The following TAX1BP1 variants were observed in gnomAD, a reference collection of about 807,000 sequenced individuals.
TAX1BP1 encodes the protein Tax1 binding protein 1, also known as tax1-binding protein 1.
TAX1BP1 carries 62 observed loss-of-function variants against 97.7 expected under a neutral mutation model. That is an observed-to-expected ratio of 0.63 (90% confidence interval 0.52 to 0.78). TAX1BP1 has a LOEUF of 0.78. Ranked by LOEUF, TAX1BP1 falls within the 30% of genes least tolerant of loss-of-function variation. The pLI is 0.00. For missense variants in TAX1BP1, 867 were observed against 916.1 expected, an observed-to-expected ratio of 0.95 and a Z score of 0.69; for synonymous variants, 340 against 304.2, an observed-to-expected ratio of 1.12 and a Z score of -1.23.
At chr7:27,805,293 T>C (rs1338710387) in intron 13 of TAX1BP1, among the ~76,000 whole-genome samples, 1 of 152,232 alleles carries the variant, frequency 6.6e-6, no homozygotes, top group East Asian at 1.9e-4. Context: ...TTGTGAGTTC[T>C]TTGGCTCATT....
At position 27,793,142 on chromosome 7, in the gene TAX1BP1, A is replaced by C. The variant is rs773295607; in HGVS notation, c.1340A>C (p.Asp447Ala). ...DLKLRLQMAA[D>A]HYKEKFKECQ... is the part of the protein sequence containing the mutation. Reference sequence around the variant, plus strand: ...AAACTCCGTCTTCAGATGGCTGCAGACCATTATAAAGAAAAATTTAAGGAA... The same window carrying C: ...AAACTCCGTCTTCAGATGGCTGCAGCCCATTATAAAGAAAAATTTAAGGAA... Residue 447 changes from aspartate to alanine, a missense_variant, in exon 10 of 17, where the codon GAC (aspartate) becomes GCC (alanine). Physicochemically the swap from Asp to Ala is moderately radical, Grantham distance 126 (BLOSUM62 -2). Coordinates refer to ENST00000396319, the MANE Select transcript of TAX1BP1 (RefSeq NM_006024.7). 1 of 1,599,128 alleles carries C rather than the reference A, an allele frequency of 6.3e-7. No individual in the cohort carries two copies. The highest frequency in any genetic ancestry group is 1.8e-5 in the Admixed American group (1 of 54,702).
chr7:27,751,696 C>T (rs1282668859), intron 2 of TAX1BP1, among the ~76,000 whole-genome samples: 1 of 152,074 alleles, frequency 6.6e-6, no homozygotes, highest in Non-Finnish European at 1.5e-5. Context: ...TATTGACAAG[C>T]AGGCAGGAAG....
intron 13 of TAX1BP1, among the ~76,000 whole-genome samples, 166 bp downstream of exon 13, chr7:27,800,256 C>A (rs551163787): frequency 6.6e-6 from 1 of 152,206 alleles, no homozygotes; most frequent in South Asian, 2.1e-4. Flanking sequence ...TGTTCATTAA[C>A]TTTGAATTGA....
chr7:27,816,290 C>T, intron 13 of TAX1BP1, 59 bp from the exon 14 acceptor site: 8 of 1,275,652 alleles, frequency 6.3e-6, no homozygotes, highest in Non-Finnish European at 8.7e-6. Context: ...TTTAATACTG[C>T]TGTATTTATG....
Position 27,787,487 on chromosome 7 carries a change from G to A in TAX1BP1, c.922G>A (p.Asp308Asn). 1 of 1,613,572 alleles carries A rather than the reference G, an allele frequency of 6.2e-7. No individual in the cohort carries two copies. The highest frequency in any genetic ancestry group is 8.5e-7 in the Non-Finnish European group (1 of 1,179,702). ...MSEVQTLKNLDGNKESVITHF... is the reference protein window; with the variant it reads ...MSEVQTLKNLNGNKESVITHF... ...AGAGGTCCAGACTTTAAAAAATTTAGATGGGAACAAAGAAAGCGTGATTAC... is the reference window on the plus strand; with the variant it reads ...AGAGGTCCAGACTTTAAAAAATTTAAATGGGAACAAAGAAAGCGTGATTAC... Residue 308 changes from aspartate (D) to asparagine (N), a missense_variant, in exon 8 of 17, where the codon GAT becomes AAT. Physicochemically the swap from Asp to Asn is conservative, Grantham distance 23. Transcript: ENST00000396319.
At chr7:27,784,590 T>C (rs908620603) in intron 5 of TAX1BP1, among the ~76,000 whole-genome samples, 1 of 152,168 alleles carries the variant, frequency 6.6e-6, no homozygotes, top group African/African-American at 2.4e-5. Context: ...TGATATGTCG[T>C]GACTAATTTT....
chr7:27,827,082 C>T (rs114811676), intron 15 of TAX1BP1, among the ~76,000 whole-genome samples: 1,723 of 152,218 alleles, frequency 0.011, 30 homozygotes, highest in African/African-American at 0.039. Flanking sequence ...CCAGGCACAG[C>T]GGCTCACGCC....
Position 27,794,352 on chromosome 7 carries a change from A to G in TAX1BP1, c.1440A>G (p.Lys480=). 6.2e-7 allele frequency: 1 copy of G among 1,613,130 alleles called. No individual in the cohort carries two copies. The highest frequency in any genetic ancestry group is 1.3e-5 in the African/African-American group (1 of 75,036). Residue 480 remains lysine, a synonymous_variant, in exon 11 of 17, where the codon AAA becomes AAG. Coordinates refer to ENST00000396319, the MANE Select transcript of TAX1BP1 (RefSeq NM_006024.7). Reference sequence around the variant, plus strand: ...ATAATAATAATGTCTTCACAAAGAAAACGGGGAATCAGCAGAAAGTGAATG... The same window carrying G: ...ATAATAATAATGTCTTCACAAAGAAGACGGGGAATCAGCAGAAAGTGAATG... ...SANNNNVFTK[K]TGNQQKVNDA...
intron 5 of TAX1BP1, among the ~76,000 whole-genome samples, chr7:27,777,233 G>A (rs1455585067): frequency 6.6e-6 from 1 of 151,950 alleles, no homozygotes; most frequent in Non-Finnish European, 1.5e-5. Flanking sequence ...TACCTTGCTG[G>A]GTGTTGGGAT....
rs550890397 is a variant in TAX1BP1 at position 27,821,731 on chromosome 7, T to A, written c.2085+4693T>A. The stretch of plus-strand genomic sequence containing the variant: ...ATTTAAAGTATACAATTTAGTGGTT[T>A]TTAATGTATTCACAGAGCTGTGCAA... On this transcript the variant is annotated intron_variant, in intron 15 of 16. Transcript: ENST00000396319. 4.6e-5 allele frequency among the ~76,000 whole-genome samples: 7 copies of A among 152,276 alleles called. No individual in the cohort carries two copies. The East Asian group carries it at 1.3e-3, about 29-fold the overall frequency.
At chr7:27,826,226 G>A (rs546789795) in intron 15 of TAX1BP1, among the ~76,000 whole-genome samples, 4 of 152,162 alleles carry the variant, frequency 2.6e-5, no homozygotes, top group African/African-American at 7.2e-5. Flanking sequence ...TAAAGTATTC[G>A]TGTTTTATCT....
At chr7:27,798,955 G>A (rs964332906) in intron 12 of TAX1BP1, among the ~76,000 whole-genome samples, 1 of 150,790 alleles carries the variant, frequency 6.6e-6, no homozygotes, top group Non-Finnish European at 1.5e-5. Context: ...TTTTCTCCAA[G>A]TCTGTAGCTT....
At position 27,758,027 on chromosome 7, in the gene TAX1BP1, T is replaced by C. The variant is rs749083524; in HGVS notation, c.163-4T>C. ...AATCCGCCTTTTTTGTTATTTCCCTTTAGGTTGGATGGAGTACTGCTCGTG... is the reference window on the plus strand; with the variant it reads ...AATCCGCCTTTTTTGTTATTTCCCTCTAGGTTGGATGGAGTACTGCTCGTG... On this transcript the variant is annotated splice_polypyrimidine_tract_variant and splice_region_variant and intron_variant, in intron 2 of 16. Transcript: ENST00000396319. 8.7e-6 allele frequency: 14 copies of C among 1,601,550 alleles called. No individual in the cohort carries two copies. Among genetic ancestry groups the C allele is most frequent in the Non-Finnish European group, 1.2e-5 (14 of 1,173,436 alleles).
At chr7:27,762,213 T>A (rs1459642851) in intron 3 of TAX1BP1, among the ~76,000 whole-genome samples, 1 of 152,164 alleles carries the variant, frequency 6.6e-6, no homozygotes, top group East Asian at 1.9e-4. Context: ...TCATAGATGT[T>A]TTTTGGATAA....
At chr7:27,742,220 G>A (rs1787643054) in intron 1 of TAX1BP1, among the ~76,000 whole-genome samples, 2 of 152,130 alleles carry the variant, frequency 1.3e-5, no homozygotes, top group East Asian at 1.9e-4. Context: ...CGGGCTGGGG[G>A]ATGGTCAGGT....
chr7:27,759,461 T>A (rs1788346464), intron 3 of TAX1BP1, among the ~76,000 whole-genome samples: 1 of 152,186 alleles, frequency 6.6e-6, no homozygotes, highest in Non-Finnish European at 1.5e-5. Context: ...TAGATGTTAG[T>A]AAAAATAAAA....
intron 2 of TAX1BP1, among the ~76,000 whole-genome samples, chr7:27,756,595 G>A (rs1788225161): frequency 6.6e-6 from 1 of 152,082 alleles, no homozygotes; most frequent in African/African-American, 2.4e-5. Flanking sequence ...AAACCATACA[G>A]CTAGCAAATT....
chr7:27,819,318 C>T (rs1216303708), intron 15 of TAX1BP1, among the ~76,000 whole-genome samples: 1 of 151,968 alleles, frequency 6.6e-6, no homozygotes, highest in Non-Finnish European at 1.5e-5. Flanking sequence ...GTGTTTATTT[C>T]ATTCCTAAAT....
Position 27,785,168 on chromosome 7 carries a change from T to C in TAX1BP1, c.618T>C (p.Leu206=). ...ACCTTGTTGTCACTTCTCAGGGTCT[T>C]ACTGAAGTAACACAAAGCTTAAAAA... ...CDQLQAEQKG[L]TEVTQSLKME... The change falls in exon 6 of 17, where the codon CTT becomes CTC. Residue 206 remains leucine, a synonymous_variant. Coordinates refer to ENST00000396319, the MANE Select transcript of TAX1BP1 (RefSeq NM_006024.7). 2 of 1,607,446 alleles carry C rather than the reference T, an allele frequency of 1.2e-6. No homozygotes were observed. Among genetic ancestry groups the C allele is most frequent in the Non-Finnish European group, 1.7e-6 (2 of 1,177,856 alleles).
Sources: allele counts gnomAD v4.1 joint callset (sites outside exome capture counted in the v4.1 genomes callset), GRCh38; gene constraint gnomAD v4.1.1; transcripts MANE v1.5; gene names NCBI Gene and HGNC (gene_info 2026-07-23, HGNC 2026-07-21).